The following ELF2 variants were observed in gnomAD, a reference collection of about 807,000 sequenced individuals.
ELF2 encodes the protein E74 like ETS transcription factor 2.
A neutral mutation model predicts 54.8 loss-of-function variants in ELF2; 11 were observed. The observed-to-expected ratio is 0.20, with a 90% CI of 0.13 to 0.33. ELF2 has a LOEUF of 0.33. Among genes scored for constraint, ELF2 ranks in the 10% least tolerant of loss-of-function variants. The pLI is 1.00. For missense variants in ELF2, 513 were observed against 703.0 expected, an observed-to-expected ratio of 0.73 and a Z score of 3.06; for synonymous variants, 203 against 245.1, an observed-to-expected ratio of 0.83 and a Z score of 1.61.
chr4:139,114,151 CAT>C (rs1250220724), intron 4 of ELF2, among the ~76,000 whole-genome samples: 2 of 152,130 alleles, frequency 1.3e-5, no homozygotes, highest in Non-Finnish European at 1.5e-5. Context: ...GTAAATATGT[CAT>C]ATTAAAATAG....
Position 139,058,431 on chromosome 4 carries a change from A to ATATATATATATAT in ELF2, c.*551_*552insATATATATATATA. The ATATATATATATAT allele has an allele frequency of 6.7e-6, 1 of 148,598 alleles. No individual in the cohort carries two copies. Among genetic ancestry groups the ATATATATATATAT allele is most frequent in the African/African-American group, 2.5e-5 (1 of 40,650 alleles). 9.2% of individuals were successfully genotyped at this position (148,598 alleles called of 1,614,324 possible). Reference sequence around the variant, plus strand: ...TGTATATATATATATATATATATATAAAATCGCACTAGATCTTTTTTTGCT... The same window carrying ATATATATATATAT: ...TGTATATATATATATATATATATATATATATATATATATAAATCGCACTAGATCTTTTTTTGCT... On this transcript the variant is annotated 3_prime_UTR_variant, in exon 10 of 10. Transcript: ENST00000686138.
chr4:139,080,872 G>A (rs541046175), intron 4 of ELF2, among the ~76,000 whole-genome samples: 46 of 151,130 alleles, frequency 3.0e-4, no homozygotes, highest in Admixed American at 1.6e-3. Context: ...TTCAAAGACT[G>A]GATAAAAGAA....
At chr4:139,115,047 C>A (rs1021353202) in intron 4 of ELF2, 1 of 1,613,800 alleles carries the variant, frequency 6.2e-7, no homozygotes, top group African/African-American at 1.3e-5. Flanking sequence ...CCGTGGCAGC[C>A]CGGGCATCGT....
intron 1 of ELF2, among the ~76,000 whole-genome samples, chr4:139,173,983 G>T (rs1214832619): frequency 6.6e-6 from 1 of 150,896 alleles, no homozygotes; most frequent in Non-Finnish European, 1.5e-5. Flanking sequence ...CAGCACTTTG[G>T]GAGGCCAAGG....
chr4:139,110,075 A>G (rs966109409), intron 4 of ELF2, among the ~76,000 whole-genome samples: 1 of 152,222 alleles, frequency 6.6e-6, no homozygotes, highest in Non-Finnish European at 1.5e-5. Context: ...TTTTGATGTA[A>G]GCATCTTCTA....
intron 4 of ELF2, among the ~76,000 whole-genome samples, chr4:139,121,614 A>T (rs977381817): frequency 3.9e-5 from 6 of 152,048 alleles, no homozygotes; most frequent in Non-Finnish European, 7.4e-5. Context: ...CTCATTCACC[A>T]TACCAGTCTA....
chr4:139,099,521 G>A (rs187620729), intron 4 of ELF2, among the ~76,000 whole-genome samples: 7 of 152,226 alleles, frequency 4.6e-5, no homozygotes, highest in East Asian at 3.9e-4. Flanking sequence ...ATTGGCTCCC[G>A]TCTTCCATCC....
intron 1 of ELF2, among the ~76,000 whole-genome samples, chr4:139,144,842 C>T (rs1739069271): frequency 6.6e-6 from 1 of 152,240 alleles, no homozygotes. Context: ...TTACACCACA[C>T]ATGCAGAGCC....
intron 4 of ELF2, among the ~76,000 whole-genome samples, chr4:139,093,208 G>A (rs1732871529): frequency 6.6e-6 from 1 of 151,408 alleles, no homozygotes; most frequent in Admixed American, 6.6e-5. Flanking sequence ...CTCGTGATCC[G>A]CCCACCTCGG....
chr4:139,136,562 T>A (rs1232165463), intron 3 of ELF2, among the ~76,000 whole-genome samples: 1 of 151,966 alleles, frequency 6.6e-6, no homozygotes, highest in African/African-American at 2.4e-5. Context: ...GATTTTTTTT[T>A]AATATAGAAA....
intron 5 of ELF2, 47 bp from the exon 6 acceptor site, chr4:139,072,086 TTTC>T: frequency 6.3e-7 from 1 of 1,577,764 alleles, no homozygotes; most frequent in Non-Finnish European, 8.7e-7. Context: ...CCCATCAATG[TTTC>T]TTATGTGGAC....
intron 1 of ELF2, among the ~76,000 whole-genome samples, chr4:139,145,606 A>T (rs1212470503): frequency 6.6e-6 from 1 of 152,232 alleles, no homozygotes; most frequent in Non-Finnish European, 1.5e-5. Context: ...ACTACAGACC[A>T]ATATCCCTGA....
intron 1 of ELF2, among the ~76,000 whole-genome samples, chr4:139,141,110 G>A (rs2148866800): frequency 6.6e-6 from 1 of 152,180 alleles, no homozygotes; most frequent in Admixed American, 6.5e-5. Flanking sequence ...CCCCCTTGCA[G>A]GCTCAACCCT....
At position 139,090,837 on chromosome 4, in the gene ELF2, C is replaced by T. The variant is rs576989303; in HGVS notation, c.239-17270G>A. Among the ~76,000 whole-genome samples the T allele has an allele frequency of 1.1e-3, 168 of 152,248 alleles. 2 individuals are homozygous for T. Among genetic ancestry groups the T allele is most frequent in the South Asian group, 7.1e-3 (34 of 4,820 alleles). ...CTCAAACTCCCAGCCTCAAGTGATC[C>T]GCCTGCCTCCCAAAGTGCTGGGAAA... On this transcript the variant is annotated intron_variant, in intron 4 of 9. Coordinates refer to ENST00000686138, the MANE Select transcript of ELF2 (RefSeq NM_001331036.3).
At chr4:139,111,546 T>A (rs929343488) in intron 4 of ELF2, among the ~76,000 whole-genome samples, 34 of 151,280 alleles carry the variant, frequency 2.2e-4, no homozygotes, top group African/African-American at 7.8e-4. Context: ...ATATTCCTAT[T>A]ACACAATTGA....
chr4:139,077,196 A>G (rs150708034), intron 4 of ELF2, among the ~76,000 whole-genome samples: 36 of 152,292 alleles, frequency 2.4e-4, no homozygotes, highest in African/African-American at 8.4e-4. Flanking sequence ...AATTTAAAAA[A>G]ATATATATCT....
intron 1 of ELF2, among the ~76,000 whole-genome samples, chr4:139,169,857 TA>T (rs3041235): frequency 0.2 from 25,313 of 129,000 alleles, 2,367 homozygotes; most frequent in South Asian, 0.38. Context: ...ACTCTTGTCT[TA>T]AAAAAAAAAA....
rs79529617 is a variant in ELF2, at chr4:139,100,152, A to T, written c.238+25012T>A. Among the ~76,000 whole-genome samples the T allele has an allele frequency of 2.6e-5, 4 of 152,350 alleles. No homozygotes were observed. The East Asian group carries it at 7.7e-4, about 29-fold the overall frequency. ...CCTTGCTTCCACCACTTAAATAGCT[A>T]TCTAGCCTTGGAAAAGTTATTCGGC... is the stretch of plus-strand genomic sequence containing the variant. On this transcript the variant is annotated intron_variant, in intron 4 of 9. Coordinates refer to ENST00000686138, the MANE Select transcript of ELF2 (RefSeq NM_001331036.3).
intron 1 of ELF2, among the ~76,000 whole-genome samples, chr4:139,142,818 G>A (rs1738840794): frequency 6.6e-6 from 1 of 151,010 alleles, no homozygotes; most frequent in Non-Finnish European, 1.5e-5. Flanking sequence ...AGTGATCCAA[G>A]ATCTCTCTAC....
Sources: gnomAD v4.1 joint callset for allele counts (sites outside exome capture counted in the v4.1 genomes callset) on GRCh38, gnomAD v4.1.1 for gene constraint, MANE v1.5 for transcripts, NCBI Gene and HGNC (gene_info 2026-07-23, HGNC 2026-07-21) for gene names.